DSCAM: variants seen among roughly 807,000 people sequenced by gnomAD.
DSCAM encodes cell adhesion molecule DSCAM.
A neutral mutation model predicts 217.7 loss-of-function variants in DSCAM; 47 were observed. The observed-to-expected ratio is 0.22, with a 90% CI of 0.17 to 0.28. DSCAM has a LOEUF of 0.28. Among genes scored for constraint, DSCAM ranks in the 10% least tolerant of loss-of-function variants. The pLI is 1.00. For missense variants in DSCAM, 2,080 were observed against 2,618.3 expected (o/e 0.79, Z 4.49); for synonymous variants, 1,056 against 1,015.3 (o/e 1.04, Z -0.76).
chr21:40,266,635 T>TTATATATATA (rs71186923), intron 11 of DSCAM, among the ~76,000 whole-genome samples: 2,839 of 62,128 alleles, frequency 0.046, 117 homozygotes, highest in African/African-American at 0.054. Flanking sequence ...CAAAGATGTT[T>TTATATATATA]TATATATATA....
At chr21:40,324,132 G>A (rs199726990) in intron 8 of DSCAM, among the ~76,000 whole-genome samples, 11,358 of 74,748 alleles carry the variant, frequency 0.15, 109 homozygotes, top group East Asian at 0.33. Flanking sequence ...AAAAAAAAAA[G>A]AAAAAAAAAA....
intron 1 of DSCAM, among the ~76,000 whole-genome samples, chr21:40,842,322 A>G (rs2092109406): frequency 6.6e-6 from 1 of 152,250 alleles, no homozygotes; most frequent in South Asian, 2.1e-4. Context: ...TGGGCCACGC[A>G]TGGAAACCGA....
intron 3 of DSCAM, among the ~76,000 whole-genome samples, chr21:40,687,426 T>A (rs973141297): frequency 1.3e-5 from 2 of 152,082 alleles, no homozygotes; most frequent in Non-Finnish European, 2.9e-5. Flanking sequence ...AAATGCTCAG[T>A]GAGGAGCAAT....
intron 32 of DSCAM, among the ~76,000 whole-genome samples, chr21:40,030,401 C>T (rs556398698): frequency 1.6e-4 from 25 of 152,132 alleles, no homozygotes; most frequent in Non-Finnish European, 2.5e-4. Flanking sequence ...GGGGATAAAA[C>T]GTGGGAGGGG....
chr21:40,238,972 T>C (rs564079466), intron 11 of DSCAM, among the ~76,000 whole-genome samples: 1 of 152,330 alleles, frequency 6.6e-6, no homozygotes, highest in South Asian at 2.1e-4. Flanking sequence ...TAGATTCTAA[T>C]TTGAGCATCA....
intron 3 of DSCAM, among the ~76,000 whole-genome samples, chr21:40,471,385 C>T (rs1341629245): frequency 2.0e-5 from 3 of 152,194 alleles, no homozygotes; most frequent in African/African-American, 4.8e-5. Context: ...CCAGCCACCA[C>T]AGCTAGGCAG....
At chr21:40,041,354 T>C (rs555661556) in intron 32 of DSCAM, among the ~76,000 whole-genome samples, 2 of 152,328 alleles carry the variant, frequency 1.3e-5, no homozygotes, top group South Asian at 4.1e-4. Flanking sequence ...TTGGCTGCCA[T>C]AGGTTGGATT....
In DSCAM at chr21:40,838,665, G is replaced by A. The variant is rs145579867; in HGVS notation, c.43+7954C>T. Among the ~76,000 whole-genome samples the A allele has an allele frequency of 4.8e-4, 73 of 152,298 alleles. No individual in the cohort carries two copies. In the East Asian group the frequency reaches 0.011, roughly 23 times the overall value. On this transcript the variant is annotated intron_variant, in intron 1 of 32. Transcript: ENST00000400454. ...CTGTTTCTTCATTTTAATACTAAAA[G>A]AGTCAAGGCTTGTATGAATCAAAAT...
intron 26 of DSCAM, 103 bp downstream of exon 26, chr21:40,078,584 T>C (rs439535): frequency 0.39 from 565,864 of 1,467,134 alleles, 115,354 homozygotes; most frequent in South Asian, 0.64. Context: ...CCGTGGGCAC[T>C]GGTCAAACTA....
At chr21:40,789,495 T>C (rs9976525) in intron 1 of DSCAM, among the ~76,000 whole-genome samples, 2,123 of 152,180 alleles carry the variant, frequency 0.014, 26 homozygotes, top group Non-Finnish European at 0.022. Context: ...TGCTTCATTA[T>C]GTCCTGATAA....
chr21:40,235,495 T>A (rs1055087722), intron 11 of DSCAM, among the ~76,000 whole-genome samples: 1 of 152,166 alleles, frequency 6.6e-6, no homozygotes, highest in Non-Finnish European at 1.5e-5. Context: ...CTGAGCTCTT[T>A]AATCACCCTG....
chr21:40,522,130 G>C (rs2076364253), intron 3 of DSCAM, among the ~76,000 whole-genome samples: 1 of 152,146 alleles, frequency 6.6e-6, no homozygotes, highest in Non-Finnish European at 1.5e-5. Context: ...TAGGCATAAG[G>C]TATGTGTTTC....
chr21:40,787,912 C>T lies in DSCAM; in HGVS notation c.43+58707G>A, dbSNP rs574506507. ...GTTCAAATAATCATTAATAGCAAAC[C>T]TGAAGTAGTAAAAGAGACCACAGAA... On this transcript the variant is annotated intron_variant, in intron 1 of 32. Coordinates refer to ENST00000400454, the MANE Select transcript of DSCAM (RefSeq NM_001389.5). 4.6e-5 allele frequency among the ~76,000 whole-genome samples: 7 copies of T among 152,146 alleles called. No individual in the cohort carries two copies. The East Asian group carries it at 1.4e-3, about 29-fold the overall frequency.
intron 1 of DSCAM, among the ~76,000 whole-genome samples, chr21:40,827,692 T>G (rs1280440290): frequency 6.6e-6 from 1 of 152,000 alleles, no homozygotes; most frequent in African/African-American, 2.4e-5. Flanking sequence ...TTGTCTACAG[T>G]GAGACAAGCA....
chr21:40,765,669 G>T (rs1176628250), intron 1 of DSCAM, among the ~76,000 whole-genome samples: 1 of 152,142 alleles, frequency 6.6e-6, no homozygotes, highest in Non-Finnish European at 1.5e-5. Flanking sequence ...TTTGTGAGAA[G>T]GTGTTTCCTC....
intron 3 of DSCAM, among the ~76,000 whole-genome samples, chr21:40,654,811 C>A (rs2146366705): frequency 6.6e-6 from 1 of 152,282 alleles, no homozygotes; most frequent in Middle Eastern, 3.4e-3. Flanking sequence ...ATCACATCTC[C>A]AGATTCTTAA....
chr21:40,660,614 G>GC (rs1471127811), intron 3 of DSCAM, among the ~76,000 whole-genome samples: 3 of 152,142 alleles, frequency 2.0e-5, no homozygotes, highest in African/African-American at 7.2e-5. Context: ...AAGCATTACT[G>GC]CCCCACATTC....
chr21:40,017,800 C>T (rs962079064), intron 32 of DSCAM, among the ~76,000 whole-genome samples: 3 of 152,344 alleles, frequency 2.0e-5, no homozygotes, highest in African/African-American at 7.2e-5. Context: ...GATCCACCCG[C>T]CTCAGCCTCC....
rs1935877767 is a variant in DSCAM, at chr21:40,358,375, C to A, written c.656-4632G>T. The stretch of plus-strand genomic sequence containing the variant: ...AAATTAACTCAAAATGGATTATGGC[C>A]TAAATATAACAGCTAAAACTATAAA... On this transcript the variant is annotated intron_variant, in intron 4 of 32. Transcript: ENST00000400454. Among the ~76,000 whole-genome samples, 3 of 152,148 alleles carry A rather than the reference C, an allele frequency of 2.0e-5. No individual in the cohort carries two copies. In the South Asian group the frequency reaches 6.2e-4, roughly 32 times the overall value.
Sources: allele counts gnomAD v4.1 joint callset (sites outside exome capture counted in the v4.1 genomes callset), GRCh38; gene constraint gnomAD v4.1.1; transcripts MANE v1.5; gene names NCBI Gene and HGNC (gene_info 2026-07-23, HGNC 2026-07-21).